The following IST1 variants were observed in gnomAD, a reference collection of about 807,000 sequenced individuals.
IST1 encodes the protein IST1 factor associated with ESCRT-III.
In IST1, 23 loss-of-function variants were observed where a neutral mutation model predicts 37.0. The ratio of observed to expected loss-of-function variants is 0.62; its 90% CI spans 0.45 to 0.88. The LOEUF (loss-of-function observed/expected upper bound fraction) is 0.88. Among genes scored for constraint, IST1 ranks in the 40% least tolerant of loss-of-function variants. IST1 has a pLI of 0.00. For synonymous variants in IST1, 180 were observed against 161.7 expected, an observed-to-expected ratio of 1.11 and a Z score of -0.86; for missense variants, 488 against 445.4, an observed-to-expected ratio of 1.10 and a Z score of -0.86.
At chr16:71,913,337 C>G (rs2142560352) in intron 1 of IST1, among the ~76,000 whole-genome samples, 1 of 151,686 alleles carries the variant, frequency 6.6e-6, no homozygotes, top group South Asian at 2.1e-4. Flanking sequence ...ATTGTGATTT[C>G]ATTTTGCCTT....
intron 1 of IST1, among the ~76,000 whole-genome samples, chr16:71,902,374 A>G (rs2037127548): frequency 2.0e-5 from 3 of 152,068 alleles, no homozygotes; most frequent in South Asian, 4.1e-4. Context: ...GGTTCAAGCA[A>G]TTCTTCTGCC....
Position 71,927,656 on chromosome 16 carries a change from G to A in IST1, c.944G>A (p.Arg315Lys). 1 of 1,613,922 alleles carries A rather than the reference G, an allele frequency of 6.2e-7. No homozygotes were observed. Among genetic ancestry groups the A allele is most frequent in the Non-Finnish European group, 8.5e-7 (1 of 1,179,864 alleles). Residue 315 changes from arginine (R) to lysine (K), a missense_variant, in exon 10 of 10, where the codon AGA (arginine) becomes AAA (lysine). Arg to Lys is a conservative substitution (Grantham distance 26). This residue lies in a region of IST1 where 455 missense variants were observed against 386.2 expected (regional missense o/e 1.18). Transcript: ENST00000378799. ...KPEASAKLPS[R>K]PADNYDNFVL... is the part of the protein sequence containing the mutation. Reference sequence around the variant, plus strand: ...GAAGCCTCTGCAAAGCTTCCTTCCAGACCTGCAGATAACTATGACAACTTT... The same window carrying A: ...GAAGCCTCTGCAAAGCTTCCTTCCAAACCTGCAGATAACTATGACAACTTT...
chr16:71,901,337 C>A (rs2037103630), intron 1 of IST1, among the ~76,000 whole-genome samples: 1 of 152,092 alleles, frequency 6.6e-6, no homozygotes, highest in South Asian at 2.1e-4. Context: ...CCTCACCCTC[C>A]CAAATAGCTG....
intron 1 of IST1, among the ~76,000 whole-genome samples, chr16:71,908,296 CTTTTT>C (rs59849119): frequency 1.3e-5 from 1 of 76,820 alleles, no homozygotes; most frequent in African/African-American, 5.0e-5. Flanking sequence ...CTCGTTGTAG[CTTTTT>C]TTTTTTTTTT....
chr16:71,921,991 G>C (rs2037600490), intron 6 of IST1, among the ~76,000 whole-genome samples: 1 of 152,194 alleles, frequency 6.6e-6, no homozygotes, highest in African/African-American at 2.4e-5. Context: ...CAAAAAATTA[G>C]CTGGGTGTGG....
At chr16:71,894,476 C>T (rs2036925583), upstream of IST1, 3 of 191,040 alleles carry the variant, frequency 1.6e-5, no homozygotes, top group Non-Finnish European at 3.3e-5. Context: ...GAATTACCGA[C>T]TTCAGGTGAT....
chr16:71,902,416 C>G (rs556224151), intron 1 of IST1, among the ~76,000 whole-genome samples: 10 of 152,162 alleles, frequency 6.6e-5, no homozygotes, highest in African/African-American at 2.4e-4. Context: ...ATTACAGATG[C>G]CTGCCACCAC....
chr16:71,896,705 TGTG>T (rs1213689646), intron 1 of IST1, among the ~76,000 whole-genome samples: 3 of 152,092 alleles, frequency 2.0e-5, no homozygotes, highest in Admixed American at 6.6e-5. Flanking sequence ...ACTGGCCAGA[TGTG>T]GTGGCTCACC....
chr16:71,904,192 C>T (rs2037170156), intron 1 of IST1, among the ~76,000 whole-genome samples: 1 of 152,118 alleles, frequency 6.6e-6, no homozygotes, highest in Non-Finnish European at 1.5e-5. Flanking sequence ...GGTGTGATCT[C>T]CGCTCGCTGC....
Position 71,922,577 on chromosome 16 carries a change from C to T in IST1, c.656C>T (p.Ala219Val), listed in dbSNP as rs1567472673. ...AGAGGAGGGAGTGGTGGCTTCACAG[C>T]ACCAGTTGGTGGACCTGATGGAACG... ...PGRGGSGGFTAPVGGPDGTVP... is the reference protein window; with the variant it reads ...PGRGGSGGFTVPVGGPDGTVP... Residue 219 changes from alanine (A) to valine (V), a missense_variant, in exon 7 of 10, where the codon GCA becomes GTA. By Grantham distance (64) the Ala-to-Val change is moderately conservative. This residue lies in a region of IST1 where 455 missense variants were observed against 386.2 expected (regional missense o/e 1.18). Coordinates refer to ENST00000378799, the MANE Select transcript of IST1 (RefSeq NM_001270975.2). The T allele has an allele frequency of 6.2e-7, 1 of 1,613,970 alleles. No individual in the cohort carries two copies. Among genetic ancestry groups the T allele is most frequent in the Non-Finnish European group, 8.5e-7 (1 of 1,179,944 alleles).
rs1462717641 is a variant in IST1 at position 71,920,745 on chromosome 16, G to C, written c.364G>C (p.Asp122His). 3.7e-6 allele frequency: 6 copies of C among 1,613,352 alleles called. No individual in the cohort carries two copies. Among genetic ancestry groups the C allele is most frequent in the South Asian group, 1.1e-5 (1 of 91,020 alleles). ...CTGTCCTTTTTCTTTTTAGGTTGCT[G>C]ATCAGCTCTGTGCCAAGTATAGCAA... is the stretch of plus-strand genomic sequence containing the variant. ...SEVAELKIVA[D>H]QLCAKYSKEY... Residue 122 changes from aspartate (D) to histidine (H), a missense_variant, in exon 5 of 10, where the codon GAT becomes CAT. Physicochemically the swap from Asp to His is moderately conservative, Grantham distance 81. Transcript: ENST00000378799.
Position 71,929,365 on chromosome 16 carries a change from A to T in IST1, c.*1552A>T, listed in dbSNP as rs894111075. The T allele has an allele frequency of 1.7e-6, 1 of 602,114 alleles. No individual in the cohort carries two copies. The highest frequency in any genetic ancestry group is 2.7e-6 in the Non-Finnish European group (1 of 370,332). The allele number at this position is 602,114 out of a possible 1,614,324, so 37.3% of individuals were successfully genotyped here. ...CTAGTTTGTCTCGTAGTATTCTTGC[A>T]TTGTTAATCCTATCTTGACAGTGCC... On this transcript the variant is annotated 3_prime_UTR_variant, in exon 10 of 10. Transcript: ENST00000378799.
intron 1 of IST1, among the ~76,000 whole-genome samples, chr16:71,912,053 G>T (rs527282811): frequency 6.6e-6 from 1 of 152,004 alleles, no homozygotes; most frequent in Admixed American, 6.6e-5. Context: ...GCCAATTTAC[G>T]TTTCCAGCAG....
rs772912602 is a variant in IST1, at chr16:71,922,439, TG to T, written c.553-32del. The T allele has an allele frequency of 1.8e-5, 28 of 1,581,778 alleles. No homozygotes were observed. The South Asian group carries it at 3.0e-4, about 17-fold the overall frequency. ...TTTCTGGGGAACCTGGCCTTGGACA[TG>T]GGTTAATGACCTGGGTTTCTCTTTT... On this transcript the variant is annotated intron_variant, in intron 6 of 9. Coordinates refer to ENST00000378799, the MANE Select transcript of IST1 (RefSeq NM_001270975.2).
At chr16:71,894,820 G>T, upstream of IST1, 1 of 1,533,876 alleles carries the variant, frequency 6.5e-7, no homozygotes, top group Non-Finnish European at 8.7e-7. Context: ...TCCCTTCCAG[G>T]CTTAAGCAGC....
At chr16:71,899,382 C>T (rs2142521363) in intron 1 of IST1, among the ~76,000 whole-genome samples, 1 of 151,682 alleles carries the variant, frequency 6.6e-6, no homozygotes, top group East Asian at 2.0e-4. Context: ...GTTGGGAGAC[C>T]AGCCTGGGCA....
intron 4 of IST1, among the ~76,000 whole-genome samples, chr16:71,919,136 C>T (rs2037526839): frequency 6.6e-6 from 1 of 152,232 alleles, no homozygotes; most frequent in Admixed American, 6.5e-5. Context: ...TGCTTTAAAG[C>T]CCATTAGTAG....
rs2037624495 is a variant in IST1, at chr16:71,922,563, T to A, written c.642T>A (p.Ser214Arg). 6.2e-7 allele frequency: 1 copy of A among 1,613,908 alleles called. No homozygotes were observed. The highest frequency in any genetic ancestry group is 1.6e-4 in the Middle Eastern group (1 of 6,062). ...VKKGGPGRGG[S>R]GGFTAPVGGP... is the part of the protein sequence containing the mutation. ...AAGGAGGCCCTGGAAGAGGAGGGAG[T>A]GGTGGCTTCACAGCACCAGTTGGTG... Residue 214 changes from serine (S) to arginine (R), a missense_variant, in exon 7 of 10, where the codon AGT (serine) becomes AGA (arginine). Ser to Arg is a moderately radical substitution (Grantham distance 110, BLOSUM62 -1). This residue lies in a region of IST1 where 455 missense variants were observed against 386.2 expected (regional missense o/e 1.18). Coordinates refer to ENST00000378799, the MANE Select transcript of IST1 (RefSeq NM_001270975.2).
chr16:71,927,463 T>C, intron 9 of IST1, 151 bp from the exon 10 acceptor site: 1 of 631,556 alleles, frequency 1.6e-6, no homozygotes, highest in Non-Finnish European at 2.8e-6. Context: ...CACTCCAGCC[T>C]GGGTGACAGA....
Sources: allele counts gnomAD v4.1 joint callset (sites outside exome capture counted in the v4.1 genomes callset), GRCh38; gene constraint gnomAD v4.1.1; regional missense constraint gnomAD v4.1.1; transcripts MANE v1.5; gene names NCBI Gene and HGNC (gene_info 2026-07-23, HGNC 2026-07-21).